SYN2: variants seen among roughly 807,000 people sequenced by gnomAD.
The protein encoded by SYN2 is synapsin-2.
Under a neutral mutation model 50.9 loss-of-function variants are expected in SYN2, and 19 were observed. The observed-to-expected ratio is 0.37, with a 90% CI of 0.26 to 0.55. The LOEUF is 0.55. Ranked by LOEUF, SYN2 falls within the 20% of genes least tolerant of loss-of-function variation. The pLI is 0.81. For synonymous variants in SYN2, 255 were observed against 224.9 expected (o/e 1.13, Z -1.20); for missense variants, 587 against 576.4 (o/e 1.02, Z -0.19).
intron 1 of SYN2, among the ~76,000 whole-genome samples, chr3:12,096,188 C>T (rs1211769398): frequency 6.6e-6 from 1 of 152,214 alleles, no homozygotes; most frequent in African/African-American, 2.4e-5. Flanking sequence ...GTGTGACCTA[C>T]AGTCTTGAAA....
intron 10 of SYN2, among the ~76,000 whole-genome samples, chr3:12,172,063 A>C (rs1697949291): frequency 6.6e-6 from 1 of 152,186 alleles, no homozygotes; most frequent in Non-Finnish European, 1.5e-5. Flanking sequence ...GATAAGGTTG[A>C]GCTTTTCTTT....
chr3:12,175,754 C>T (rs991633801), intron 10 of SYN2, among the ~76,000 whole-genome samples: 2 of 152,174 alleles, frequency 1.3e-5, no homozygotes, highest in African/African-American at 4.8e-5. Context: ...TACCTCTAGC[C>T]TGGGATGGAT....
intron 5 of SYN2, among the ~76,000 whole-genome samples, chr3:12,160,707 A>G (rs1255297388): frequency 6.6e-6 from 1 of 152,228 alleles, no homozygotes; most frequent in East Asian, 1.9e-4. Flanking sequence ...AGTGACTTGT[A>G]GAAAGTCCGT....
chr3:12,114,389 G>T (rs906416336), intron 1 of SYN2, among the ~76,000 whole-genome samples: 2 of 152,034 alleles, frequency 1.3e-5, no homozygotes, highest in African/African-American at 4.8e-5. Context: ...CTCCCATTAT[G>T]TAAATTATTT....
chr3:12,106,780 A>G (rs1696200912), intron 1 of SYN2, among the ~76,000 whole-genome samples: 1 of 152,142 alleles, frequency 6.6e-6, no homozygotes, highest in South Asian at 2.1e-4. Context: ...TATATAGCAT[A>G]TTTTTTCAAA....
chr3:12,106,657 A>G (rs901181282), intron 1 of SYN2, among the ~76,000 whole-genome samples: 5 of 152,232 alleles, frequency 3.3e-5, no homozygotes, highest in African/African-American at 9.6e-5. Flanking sequence ...AGCATAGTAT[A>G]TCATTGATAG....
intron 4 of SYN2, among the ~76,000 whole-genome samples, chr3:12,149,392 G>C (rs1376948104): frequency 6.6e-6 from 1 of 152,240 alleles, no homozygotes; most frequent in African/African-American, 2.4e-5. Flanking sequence ...ATGAGCAGGT[G>C]TGGAGAATCA....
At chr3:12,105,456 T>G (rs1459578161) in intron 1 of SYN2, among the ~76,000 whole-genome samples, 2 of 133,178 alleles carry the variant, frequency 1.5e-5, no homozygotes, top group East Asian at 4.4e-4. Context: ...AGATTTTCTT[T>G]CCTTTTCAGG....
intron 1 of SYN2, among the ~76,000 whole-genome samples, chr3:12,010,163 C>A (rs1235946956): frequency 6.6e-6 from 1 of 152,168 alleles, no homozygotes; most frequent in Non-Finnish European, 1.5e-5. Flanking sequence ...ATCCAGCAAT[C>A]TAATAAAGTT....
At chr3:12,027,460 TC>T (rs1162232875) in intron 1 of SYN2, among the ~76,000 whole-genome samples, 1 of 152,158 alleles carries the variant, frequency 6.6e-6, no homozygotes, top group African/African-American at 2.4e-5. Context: ...TGTCCCTAGA[TC>T]CTATGAGATT....
chr3:12,164,215 C>T (rs1697726687), intron 7 of SYN2, among the ~76,000 whole-genome samples: 1 of 152,088 alleles, frequency 6.6e-6, no homozygotes, highest in Non-Finnish European at 1.5e-5. Context: ...TAAATAAACA[C>T]AAAACATTAA....
At chr3:12,167,195 G>T (rs1179816805) in intron 7 of SYN2, 39 bp from the exon 8 acceptor site, 1 of 1,599,044 alleles carries the variant, frequency 6.3e-7, no homozygotes, top group Non-Finnish European at 8.5e-7. Context: ...TGCTGGTGTG[G>T]CTCACTGCCT....
intron 11 of SYN2, among the ~76,000 whole-genome samples, chr3:12,187,063 A>G (rs116320091): frequency 0.016 from 2,403 of 152,122 alleles, 50 homozygotes; most frequent in African/African-American, 0.055. Flanking sequence ...AGGGGAGAGG[A>G]CCCTGCATTC....
intron 1 of SYN2, among the ~76,000 whole-genome samples, chr3:12,059,843 A>G (rs1695076110): frequency 6.6e-6 from 1 of 152,064 alleles, no homozygotes; most frequent in African/African-American, 2.4e-5. Flanking sequence ...CTCTGTCTCA[A>G]TTCCTCAAGA....
At chr3:12,177,691 A>C (rs916792319) in intron 10 of SYN2, among the ~76,000 whole-genome samples, 4 of 152,246 alleles carry the variant, frequency 2.6e-5, no homozygotes, top group Non-Finnish European at 4.4e-5. Flanking sequence ...GGGCAGGTTC[A>C]GATAAAGCCA....
intron 1 of SYN2, among the ~76,000 whole-genome samples, chr3:12,045,507 A>G (rs1055913094): frequency 3.9e-5 from 6 of 152,124 alleles, no homozygotes; most frequent in African/African-American, 1.4e-4. Flanking sequence ...CCTTTGGAGG[A>G]TGGGGGATTC....
At chr3:12,057,287 C>CTGTGTGTGTGTGTGTGTGTGTGTGTG (rs59286785) in intron 1 of SYN2, among the ~76,000 whole-genome samples, 1 of 133,908 alleles carries the variant, frequency 7.5e-6, no homozygotes, top group African/African-American at 2.8e-5. Flanking sequence ...GCAAGACTGT[C>CTGTGTGTGTGTGTGTGTGTGTGTGTG]TGTGTGTGTG....
chr3:12,131,558 A>G (rs952409619), intron 1 of SYN2, among the ~76,000 whole-genome samples: 17 of 152,188 alleles, frequency 1.1e-4, no homozygotes, highest in African/African-American at 4.1e-4. Context: ...AATCTGTCCC[A>G]TGACTCCAAA....
chr3:12,151,715 T>C (rs1254690681), intron 5 of SYN2, among the ~76,000 whole-genome samples: 1 of 152,208 alleles, frequency 6.6e-6, no homozygotes, highest in Non-Finnish European at 1.5e-5. Context: ...CACAGGATAT[T>C]CTAATATGGT....
Sources: allele counts gnomAD v4.1 joint callset (sites outside exome capture counted in the v4.1 genomes callset), GRCh38; gene constraint gnomAD v4.1.1; transcripts MANE v1.5; gene names NCBI Gene and HGNC (gene_info 2026-07-23, HGNC 2026-07-21).